Variants in MYO1H observed in about 807,000 individuals in gnomAD.
MYO1H encodes myosin IH.
MYO1H carries 118 observed loss-of-function variants against 149.3 expected under a neutral mutation model. That is an observed-to-expected ratio of 0.79 (90% confidence interval 0.68 to 0.92). The LOEUF (loss-of-function observed/expected upper bound fraction) is 0.92. MYO1H is among the 40% of genes least tolerant of loss of function. The pLI is 0.00. For missense variants in MYO1H, 1,212 were observed against 1,280.7 expected (o/e 0.95, Z 0.82); for synonymous variants, 447 against 465.2 (o/e 0.96, Z 0.50).
intron 31 of MYO1H, 99 bp from the exon 32 acceptor site, chr12:109,447,060 C>A (rs976341343): frequency 8.7e-6 from 11 of 1,268,946 alleles, no homozygotes; most frequent in Non-Finnish European, 1.2e-5. Flanking sequence ...AGGCCCTCCA[C>A]ACCCACCTTG....
At position 109,427,569 on chromosome 12, in the gene MYO1H, C is replaced by T. The variant is rs200895967; in HGVS notation, c.1932C>T (p.Tyr644=). 1.1e-5 allele frequency: 17 copies of T among 1,610,804 alleles called. No individual in the cohort carries two copies. The East Asian group carries it at 1.8e-4, about 17-fold the overall frequency. ...CTGGTTTTGCATACCGAAGGAAATA[C>T]GAGCATTTCTTGCAAAGGTAAAATG... Residue 644 remains tyrosine (Y), a synonymous_variant, in exon 19 of 32, where the codon TAC becomes TAT. Coordinates refer to ENST00000310903, the Ensembl canonical transcript of MYO1H.
In MYO1H at chr12:109,383,814, G is replaced by A. The variant is rs145763123; in HGVS notation, c.13-4869G>A. Among the ~76,000 whole-genome samples the A allele has an allele frequency of 1.2e-4, 19 of 152,214 alleles. 1 individual carries two copies. Among genetic ancestry groups the A allele is most frequent in the African/African-American group, 4.1e-4 (17 of 41,544 alleles). ...ATCTCACCACCTTTCCACATACTGT[G>A]GCCTCCCTGTCATCTCCCCACCCCG... is the stretch of plus-strand genomic sequence containing the variant. On this transcript the variant is annotated intron_variant, in intron 1 of 31. Transcript: ENST00000310903.
At chr12:109,447,714 G>C (rs1317374492) in exon 32 of MYO1H, 1 of 168,996 alleles carries the variant, frequency 5.9e-6, no homozygotes, top group Non-Finnish European at 1.3e-5. Context: ...GCACTGGCGT[G>C]TCTATGCGGT....
the MYO1H span, among the ~76,000 whole-genome samples, chr12:109,339,121 T>C: frequency 4.0e-4 from 61 of 152,216 alleles, no homozygotes; most frequent in African/African-American, 1.4e-3. Flanking sequence ...TCCCAGCACT[T>C]TGGGAGGCCA....
intron 1 of MYO1H, among the ~76,000 whole-genome samples, chr12:109,369,316 G>T (rs1868934153): frequency 6.6e-6 from 1 of 152,138 alleles, no homozygotes; most frequent in South Asian, 2.1e-4. Context: ...CTATCCAAGA[G>T]AATATATTGC....
the MYO1H span, among the ~76,000 whole-genome samples, chr12:109,342,240 G>A: frequency 6.6e-6 from 1 of 150,818 alleles, no homozygotes; most frequent in Middle Eastern, 3.4e-3. Flanking sequence ...CACCTCCTGG[G>A]TTCAAGCAGT....
intron 1 of MYO1H, among the ~76,000 whole-genome samples, chr12:109,365,386 C>T (rs1223760869): frequency 6.6e-6 from 1 of 152,250 alleles, no homozygotes; most frequent in Admixed American, 6.5e-5. Context: ...ACTGAAAATA[C>T]TTCCCAGGCA....
intron 1 of MYO1H, among the ~76,000 whole-genome samples, chr12:109,373,118 T>A (rs1392757332): frequency 6.6e-6 from 1 of 152,172 alleles, no homozygotes; most frequent in African/African-American, 2.4e-5. Flanking sequence ...TGGCCTGAAT[T>A]TACATATCAT....
chr12:109,405,226 T>C (rs1332453075), intron 7 of MYO1H, among the ~76,000 whole-genome samples: 3 of 151,848 alleles, frequency 2.0e-5, no homozygotes, highest in Non-Finnish European at 4.4e-5. Context: ...AAAAAAAAGA[T>C]AGATGGATGG....
intron 1 of MYO1H, among the ~76,000 whole-genome samples, chr12:109,353,393 C>CAAAAAAAAAAAAAAAAAAAAAAAAAA (rs55927192): frequency 2.5e-5 from 2 of 79,296 alleles, no homozygotes; most frequent in Non-Finnish European, 4.8e-5. Context: ...GACTCCGTCT[C>CAAAAAAAAAAAAAAAAAAAAAAAAAA]AAAAAAAAAA....
the MYO1H span, among the ~76,000 whole-genome samples, chr12:109,320,623 CAAAAAAAAA>C: frequency 5.3e-3 from 490 of 92,820 alleles, 4 homozygotes; most frequent in African/African-American, 0.018. Flanking sequence ...GAATCTGTCT[CAAAAAAAAA>C]AAAAAAAAAA....
chr12:109,446,206 G>C (rs1872472862), intron 31 of MYO1H: 1 of 985,312 alleles, frequency 1.0e-6, no homozygotes, highest in South Asian at 4.7e-5. Context: ...TTAGGGAGAA[G>C]TCTAGCCTGA....
chr12:109,418,442 G>A lies in MYO1H; in HGVS notation c.1598-2539G>A, dbSNP rs189721144. On this transcript the variant is annotated intron_variant, in intron 15 of 31. Coordinates refer to ENST00000310903, the Ensembl canonical transcript of MYO1H. ...TGGCCCACTGCAACCTCTGCCTCCC[G>A]GGGTTCAAGCGATTCTCCTGCCTCA... 3.9e-3 allele frequency among the ~76,000 whole-genome samples: 597 copies of A among 151,540 alleles called. 4 individuals are homozygous for A. Among genetic ancestry groups the A allele is most frequent in the African/African-American group, 0.014 (565 of 41,352 alleles).
exon 1 of MYO1H, chr12:109,347,962 T>A: frequency 2.5e-6 from 1 of 399,082 alleles, no homozygotes; most frequent in Non-Finnish European, 4.4e-6. Flanking sequence ...CTGTGCGTGA[T>A]GGAATCCAAG....
At chr12:109,411,055 T>C (rs1369770171) in intron 13 of MYO1H, among the ~76,000 whole-genome samples, 1 of 152,046 alleles carries the variant, frequency 6.6e-6, no homozygotes. Context: ...AACAGGAGAA[T>C]TGCTTGAACC....
At chr12:109,409,320 T>G (rs113173098) in intron 10 of MYO1H, among the ~76,000 whole-genome samples, 5,716 of 134,896 alleles carry the variant, frequency 0.042, 143 homozygotes, top group Middle Eastern at 0.081. Flanking sequence ...AACAAAGAAG[T>G]GAATCAGAAG....
chr12:109,386,995 CGT>C (rs55675476), intron 1 of MYO1H, among the ~76,000 whole-genome samples: 16,912 of 140,712 alleles, frequency 0.12, 941 homozygotes, highest in South Asian at 0.15. Context: ...ATCTCAAGTT[CGT>C]GTGTGTGTGT....
chr12:109,444,867 C>CAAA (rs57782261), intron 30 of MYO1H, among the ~76,000 whole-genome samples: 1 of 136,948 alleles, frequency 7.3e-6, no homozygotes, highest in Non-Finnish European at 1.6e-5. Context: ...GACAATGTCT[C>CAAA]AAAAAAAAAA....
chr12:109,331,335 A>T, the MYO1H span, among the ~76,000 whole-genome samples: 1 of 152,176 alleles, frequency 6.6e-6, no homozygotes, highest in African/African-American at 2.4e-5. Flanking sequence ...TCTTCATCCC[A>T]CCACATAGAC....
Sources: allele counts gnomAD v4.1 joint callset (sites outside exome capture counted in the v4.1 genomes callset), GRCh38; gene constraint gnomAD v4.1.1; transcripts MANE v1.5; gene names NCBI Gene and HGNC (gene_info 2026-07-23, HGNC 2026-07-21).